The following GUCY2D variants were observed in gnomAD, a reference collection of about 807,000 sequenced individuals.
The protein encoded by GUCY2D is guanylate cyclase 2D, retinal, also known as retinal guanylyl cyclase 1.
A neutral mutation model predicts 101.3 loss-of-function variants in GUCY2D; 70 were observed. The observed-to-expected ratio is 0.69, with a 90% CI of 0.57 to 0.84. The LOEUF is 0.84. GUCY2D is among the 40% of genes least tolerant of loss of function. The probability of loss-of-function intolerance (pLI) is 0.00; values close to 1 mark genes in which losing one functional copy is unlikely to be tolerated. For synonymous variants in GUCY2D, 688 were observed against 670.7 expected, an observed-to-expected ratio of 1.03 and a Z score of -0.40; for missense variants, 1,460 against 1,542.5, an observed-to-expected ratio of 0.95 and a Z score of 0.90.
chr17:8,009,427 T>G, intron 7 of GUCY2D, 79 bp from the exon 8 acceptor site: 2 of 894,062 alleles, frequency 2.2e-6, no homozygotes, highest in Non-Finnish European at 3.8e-6. Flanking sequence ...CCAATGGAAA[T>G]GAGGGGGAGG....
At position 8,014,099 on chromosome 17, in the gene GUCY2D, C is replaced by T. The variant is rs570326099; in HGVS notation, c.2412+71C>T. ...CCAGATGCTTGTCAGCAACCTGAGA[C>T]AGCTGCAGACAGGCAGGCTGGCAGG... On this transcript the variant is annotated intron_variant, in intron 12 of 19. Transcript: ENST00000254854. This position sits in a 1 kb window ranked among gnomAD's most constrained non-coding sequence, Gnocchi z 4.0. The T allele has an allele frequency of 3.8e-4, 529 of 1,374,812 alleles. 1 individual carries two copies. In the Middle Eastern group the frequency reaches 5.2e-3, roughly 14 times the overall value. 85.2% of individuals were successfully genotyped at this position (1,374,812 alleles called of 1,614,324 possible). A position where few individuals can be genotyped will look rare whatever the true frequency, so the allele number is the denominator to read the frequency against.
At chr17:8,010,650 C>CA (rs1222829202) in intron 8 of GUCY2D, among the ~76,000 whole-genome samples, 5 of 151,096 alleles carry the variant, frequency 3.3e-5, no homozygotes, top group South Asian at 2.1e-4. Flanking sequence ...ACTAAAAATA[C>CA]AAAAAAAATT....
chr17:8,013,947 T>C lies in GUCY2D; in HGVS notation c.2331T>C (p.Pro777=), dbSNP rs147201985. Residue 777 remains proline (P), a synonymous_variant, in exon 12 of 20, where the codon CCT becomes CCC. Transcript: ENST00000254854. The surrounding 1 kb of genome is among the most constrained non-coding windows in gnomAD (Gnocchi z 5.0). The part of the protein sequence containing the change: ...CRPLVSMDQA[P]VECILLMKQC... Reference sequence around the variant, plus strand: ...CCTTGGTGTCCATGGACCAGGCACCTGTCGAGTGTATCCTCCTGATGAAGC... The same window carrying C: ...CCTTGGTGTCCATGGACCAGGCACCCGTCGAGTGTATCCTCCTGATGAAGC... 9.9e-6 allele frequency: 16 copies of C among 1,613,464 alleles called. No homozygotes were observed. The African/African-American group carries it at 1.7e-4, about 17-fold the overall frequency.
At chr17:8,015,571 G>A in intron 15 of GUCY2D, 69 bp downstream of exon 15, 3 of 1,442,364 alleles carry the variant, frequency 2.1e-6, no homozygotes, top group South Asian at 1.2e-5. Context: ...ATTTCCTGTA[G>A]AGGAGGCAAC....
chr17:8,006,766 C>A, intron 4 of GUCY2D, 52 bp downstream of exon 4: 1 of 1,435,698 alleles, frequency 7.0e-7, no homozygotes, highest in Non-Finnish European at 9.6e-7. Flanking sequence ...GGACCATCCA[C>A]AAAGTGATGA....
chr17:8,014,011 G>A lies in GUCY2D; in HGVS notation c.2395G>A (p.Asp799Asn). 1 of 1,613,442 alleles carries A rather than the reference G, an allele frequency of 6.2e-7. No homozygotes were observed. ...AEQPELRPSMDHTFDLFKNIN... is the reference protein window; with the variant it reads ...AEQPELRPSMNHTFDLFKNIN... ...GCAGCCGGAACTTCGGCCCTCCATG[G>A]ACCACACCTTCGACCTGGTCAGGGG... The change falls in exon 12 of 20, where the codon GAC becomes AAC. Residue 799 changes from aspartate to asparagine, a missense_variant. Around this residue, in one of 3 missense-constraint regions of GUCY2D, gnomAD observed 1,196 missense variants for 1,229.6 expected, o/e 0.97. Transcript: ENST00000254854. The surrounding 1 kb of genome is among the most constrained non-coding windows in gnomAD (Gnocchi z 4.0).
In GUCY2D at chr17:8,012,141, C is replaced by A; in HGVS notation, c.1750-3C>A. ...AAATGCAAGTCAACTCTCCCCCTCT[C>A]AGCTCCAGGAGCTCCGGCATGAGAA... is the stretch of plus-strand genomic sequence containing the variant. On this transcript the variant is annotated splice_polypyrimidine_tract_variant and splice_region_variant and intron_variant, in intron 8 of 19. Coordinates refer to ENST00000254854, the MANE Select transcript of GUCY2D (RefSeq NM_000180.4). 1 of 1,611,298 alleles carries A rather than the reference C, an allele frequency of 6.2e-7. No individual in the cohort carries two copies. Among genetic ancestry groups the A allele is most frequent in the South Asian group, 1.1e-5 (1 of 91,018 alleles).
chr17:8,003,002 GTC>G, intron 1 of GUCY2D, 35 bp from the exon 2 acceptor site: 2 of 1,486,320 alleles, frequency 1.3e-6, no homozygotes, highest in Non-Finnish European at 1.8e-6. Flanking sequence ...GGAGGCCGGG[GTC>G]TCAGTCGCTC....
At position 8,015,280 on chromosome 17, in the gene GUCY2D, CG is replaced by C. The variant is rs762570628; in HGVS notation, c.2770-42del. Reference sequence around the variant, plus strand: ...ACAAGAGGCAATCGCTTCGTGTACTCGGGGGGAATGCTCAAAAGAAAATTCA... The same window carrying C: ...ACAAGAGGCAATCGCTTCGTGTACTCGGGGGAATGCTCAAAAGAAAATTCA... On this transcript the variant is annotated intron_variant, in intron 14 of 19. Transcript: ENST00000254854. The C allele has an allele frequency of 5.8e-6, 9 of 1,553,144 alleles. 1 individual carries two copies. Among genetic ancestry groups the C allele is most frequent in the Non-Finnish European group, 6.2e-6 (7 of 1,137,044 alleles).
In GUCY2D at chr17:8,012,259, G is replaced by T. The variant is rs1189135118; in HGVS notation, c.1865G>T (p.Cys622Phe). 5.6e-6 allele frequency: 9 copies of T among 1,614,044 alleles called. No individual in the cohort carries two copies. The South Asian group carries it at 9.9e-5, about 18-fold the overall frequency. ...EGNLAVVSEH[C>F]TRGSLQDLLA... Reference sequence around the variant, plus strand: ...AACCTGGCTGTGGTCTCAGAGCACTGCACGCGGGGCTCTCTTCAGGACCTC... The same window carrying T: ...AACCTGGCTGTGGTCTCAGAGCACTTCACGCGGGGCTCTCTTCAGGACCTC... Residue 622 changes from cysteine to phenylalanine, a missense_variant, in exon 9 of 20, where the codon TGC (cysteine) becomes TTC (phenylalanine). Physicochemically the swap from Cys to Phe is radical, Grantham distance 205. Coordinates refer to ENST00000254854, the MANE Select transcript of GUCY2D (RefSeq NM_000180.4).
Position 8,014,977 on chromosome 17 carries a change from A to T in GUCY2D, c.2695A>T (p.Ile899Phe). Reference sequence around the variant, plus strand: ...CACCATCTCTGCCATGAGTGAGCCCATTGAGGTTGTGGACCTGCTCAACGA... The same window carrying T: ...CACCATCTCTGCCATGAGTGAGCCCTTTGAGGTTGTGGACCTGCTCAACGA... ...FTTISAMSEP[I>F]EVVDLLNDLY... Residue 899 changes from isoleucine (I) to phenylalanine (F), a missense_variant, in exon 14 of 20, where the codon ATT becomes TTT. By Grantham distance (21) the Ile-to-Phe change is conservative (BLOSUM62 0). This residue lies in a region of GUCY2D where 49 missense variants were observed against 85.0 expected (regional missense o/e 0.58). Coordinates refer to ENST00000254854, the MANE Select transcript of GUCY2D (RefSeq NM_000180.4). The surrounding 1 kb of genome is among the most constrained non-coding windows in gnomAD (Gnocchi z 4.0). 1 of 1,606,702 alleles carries T rather than the reference A, an allele frequency of 6.2e-7. No individual in the cohort carries two copies. The highest frequency in any genetic ancestry group is 1.7e-5 in the Admixed American group (1 of 59,254).
intron 8 of GUCY2D, 38 bp downstream of exon 8, chr17:8,009,624 C>A (rs752758326): frequency 1.5e-6 from 2 of 1,315,586 alleles, no homozygotes; most frequent in Non-Finnish European, 2.2e-6. Flanking sequence ...AGGTGGCCAT[C>A]GGTTTCTCCC....
chr17:8,010,773 C>A (rs1433169952), intron 8 of GUCY2D, among the ~76,000 whole-genome samples: 1 of 139,920 alleles, frequency 7.1e-6, no homozygotes, highest in African/African-American at 2.7e-5. Context: ...CGCGGCACTG[C>A]ACTTCAGCCT....
In GUCY2D at chr17:8,015,965, CT is replaced by C; in HGVS notation, c.3083del (p.Leu1028ProfsTer18). 6.2e-7 allele frequency: 1 copy of C among 1,612,252 alleles called. No individual in the cohort carries two copies. The highest frequency in any genetic ancestry group is 8.5e-7 in the Non-Finnish European group (1 of 1,179,446). On this transcript the variant is annotated frameshift_variant, in exon 17 of 20. Coordinates refer to ENST00000254854, the MANE Select transcript of GUCY2D (RefSeq NM_000180.4). LOFTEE classifies it high-confidence loss of function. ...IHVNLSTVGI[L>X]RALDSGYQVE... Reference sequence around the variant, plus strand: ...CGTGAACTTGAGCACTGTGGGGATTCTCCGTGCTCTGGACTCGGGCTACCAG... The same window carrying C: ...CGTGAACTTGAGCACTGTGGGGATTCCCGTGCTCTGGACTCGGGCTACCAG...
chr17:8,004,801 C>G (rs765350640), intron 3 of GUCY2D, among the ~76,000 whole-genome samples: 1 of 152,140 alleles, frequency 6.6e-6, no homozygotes, highest in Non-Finnish European at 1.5e-5. Flanking sequence ...GTGAATTAAC[C>G]ACCACAAAGG....
At position 8,016,521 on chromosome 17, in the gene GUCY2D, G is replaced by C; in HGVS notation, c.3303G>C (p.Gln1101His). ...AGCTGGAGAAGGCGCGGCCGGGCCA[G>C]TTCTCTTGAGAAGTGAGGCCCGGCC... ...RRKLEKARPG[Q>H]FS The change falls in exon 19 of 20, where the codon CAG (glutamine) becomes CAC (histidine). Residue 1101 changes from glutamine to histidine, a missense_variant. Gln to His is a conservative substitution (Grantham distance 24). Around this residue, in one of 3 missense-constraint regions of GUCY2D, gnomAD observed 215 missense variants for 227.9 expected, o/e 0.94. Coordinates refer to ENST00000254854, the MANE Select transcript of GUCY2D (RefSeq NM_000180.4). 6.4e-7 allele frequency: 1 copy of C among 1,563,674 alleles called. No individual in the cohort carries two copies. The highest frequency in any genetic ancestry group is 8.7e-7 in the Non-Finnish European group (1 of 1,154,760).
At chr17:8,016,157 C>T (rs1468319065) in intron 17 of GUCY2D, 48 bp from the exon 18 acceptor site, 1 of 1,373,272 alleles carries the variant, frequency 7.3e-7, no homozygotes, top group Non-Finnish European at 1.0e-6. Flanking sequence ...GATCCCCCAC[C>T]CCTCACCCCA....
Position 8,007,057 on chromosome 17 carries a change from C to T in GUCY2D, c.1379-3C>T. On this transcript the variant is annotated splice_polypyrimidine_tract_variant and splice_region_variant and intron_variant, in intron 4 of 19. Coordinates refer to ENST00000254854, the MANE Select transcript of GUCY2D (RefSeq NM_000180.4). ...AGTATACCTCCTGTCACTGTCCCTT[C>T]AGGACTGGAGCCGGGCCTCGTCTTT... 2 of 1,613,112 alleles carry T rather than the reference C, an allele frequency of 1.2e-6. No individual in the cohort carries two copies. Among genetic ancestry groups the T allele is most frequent in the South Asian group, 2.2e-5 (2 of 91,064 alleles).
Position 8,013,352 on chromosome 17 carries a change from A to G in GUCY2D, c.2263+100A>G. 5 of 1,221,932 alleles carry G rather than the reference A, an allele frequency of 4.1e-6. No homozygotes were observed. Among genetic ancestry groups the G allele is most frequent in the Non-Finnish European group, 4.7e-6 (4 of 847,212 alleles). The allele number at this position is 1,221,932 out of a possible 1,614,324, so 75.7% of individuals were successfully genotyped here. A position where few individuals can be genotyped will look rare whatever the true frequency, so the allele number is the denominator to read the frequency against. ...CCTCTAAAGCAAAGCCCAGTGATGA[A>G]ACTCAATTATACGGAGGCCCCCTTA... is the stretch of plus-strand genomic sequence containing the variant. On this transcript the variant is annotated intron_variant, in intron 11 of 19. Transcript: ENST00000254854. The surrounding 1 kb of genome is among the most constrained non-coding windows in gnomAD (Gnocchi z 5.0).
Sources: allele counts gnomAD v4.1 joint callset (sites outside exome capture counted in the v4.1 genomes callset), GRCh38; gene constraint gnomAD v4.1.1; regional missense constraint gnomAD v4.1.1; non-coding constraint Gnocchi (gnomAD v3.1); transcripts MANE v1.5; gene names NCBI Gene and HGNC (gene_info 2026-07-23, HGNC 2026-07-21).